NOX4: variants seen among roughly 807,000 people sequenced by gnomAD.
The protein encoded by NOX4 is kidney oxidase-1.
In NOX4, 69 loss-of-function variants were observed where a neutral mutation model predicts 87.6. That is an observed-to-expected ratio of 0.79 (90% CI 0.65 to 0.96). The LOEUF (loss-of-function observed/expected upper bound fraction) is 0.96. Ranked by LOEUF, NOX4 falls within the 40% of genes least tolerant of loss-of-function variation. NOX4 has a pLI of 0.00. For synonymous variants in NOX4, 275 were observed against 238.2 expected (o/e 1.15, Z -1.42); for missense variants, 680 against 681.5 (o/e 1.00, Z 0.02).
Position 89,451,767 on chromosome 11 carries a change from A to G in NOX4, c.264+18T>C. 1.3e-6 allele frequency: 2 copies of G among 1,504,068 alleles called. No individual in the cohort carries two copies. Among genetic ancestry groups the G allele is most frequent in the Non-Finnish European group, 1.9e-6 (2 of 1,080,150 alleles). The allele number at this position is 1,504,068 out of a possible 1,614,324, so 93.2% of individuals were successfully genotyped here. On this transcript the variant is annotated intron_variant, in intron 3 of 17. Coordinates refer to ENST00000263317, the MANE Select transcript of NOX4 (RefSeq NM_016931.5). ...GATTTTTATGCTGGAATTTGAAAGTAGGACTGTTTTTTCTTACCTTCTGTG... is the reference window on the plus strand; with the variant it reads ...GATTTTTATGCTGGAATTTGAAAGTGGGACTGTTTTTTCTTACCTTCTGTG...
chr11:89,407,664 G>A (rs1467696239), intron 8 of NOX4, among the ~76,000 whole-genome samples: 1 of 151,530 alleles, frequency 6.6e-6, no homozygotes, highest in Non-Finnish European at 1.5e-5. Flanking sequence ...CTTTCTGTTT[G>A]TTTCTTTCTT....
At chr11:89,416,097 T>A (rs1314773610) in intron 8 of NOX4, among the ~76,000 whole-genome samples, 2 of 152,150 alleles carry the variant, frequency 1.3e-5, no homozygotes, top group Non-Finnish European at 2.9e-5. Context: ...TAGGAGTAGG[T>A]AGAATACCTG....
Position 89,440,725 on chromosome 11 carries a change from A to G in NOX4, c.448-10T>C. 2.0e-6 allele frequency: 3 copies of G among 1,486,480 alleles called. No individual in the cohort carries two copies. The highest frequency in any genetic ancestry group is 2.8e-6 in the Non-Finnish European group (3 of 1,079,876). The allele number at this position is 1,486,480 out of a possible 1,614,324, so 92.1% of individuals were successfully genotyped here. On this transcript the variant is annotated splice_polypyrimidine_tract_variant and intron_variant, in intron 5 of 17. Transcript: ENST00000263317. ...GAAGTTTTCTAGGATCCTGAGAAAA[A>G]GAAAAAAAAATAAATGATTAAAAAC... is the stretch of plus-strand genomic sequence containing the variant.
At chr11:89,354,412 G>A (rs1937831927) in intron 13 of NOX4, among the ~76,000 whole-genome samples, 2 of 152,048 alleles carry the variant, frequency 1.3e-5, no homozygotes, top group Non-Finnish European at 1.5e-5. Flanking sequence ...CATACGCTTG[G>A]GGCATCTATG....
At chr11:89,577,357 G>A in the NOX4 span, 3 of 152,078 alleles carry the variant, frequency 2.0e-5, no homozygotes, top group African/African-American at 7.2e-5. Context: ...AATATCTAAT[G>A]TATGAGCCAA....
At position 89,429,369 on chromosome 11, in the gene NOX4, C is replaced by T. The variant is rs368338854; in HGVS notation, c.548+3415G>A. ...AGAAATAACTAAGATCAGAGAAGAA[C>T]TGAAGGAGACAGAGACACAAAAAAC... On this transcript the variant is annotated intron_variant, in intron 7 of 17. Coordinates refer to ENST00000263317, the MANE Select transcript of NOX4 (RefSeq NM_016931.5). 2.6e-5 allele frequency among the ~76,000 whole-genome samples: 4 copies of T among 152,084 alleles called. No homozygotes were observed. The South Asian group carries it at 8.3e-4, about 32-fold the overall frequency.
intron 16 of NOX4, among the ~76,000 whole-genome samples, chr11:89,336,878 T>C (rs1232424911): frequency 6.6e-6 from 1 of 151,974 alleles, no homozygotes; most frequent in Non-Finnish European, 1.5e-5. Flanking sequence ...TAAAATAAAA[T>C]TTGTGAATGC....
intron 2 of NOX4, among the ~76,000 whole-genome samples, chr11:89,459,174 G>C (rs1591308876): frequency 6.6e-6 from 1 of 152,076 alleles, no homozygotes; most frequent in South Asian, 2.1e-4. Context: ...GAATGGCCTG[G>C]AGATGATTAT....
At chr11:89,545,830 A>G in the NOX4 span, 44 of 152,218 alleles carry the variant, frequency 2.9e-4, no homozygotes, top group African/African-American at 9.9e-4. Flanking sequence ...ACTACTGAAA[A>G]AGAGACTTGA....
chr11:89,408,623 C>G (rs1188866358), intron 8 of NOX4, among the ~76,000 whole-genome samples: 2 of 152,172 alleles, frequency 1.3e-5, no homozygotes, highest in East Asian at 3.9e-4. Flanking sequence ...GCATTCTTTC[C>G]TGGCTCTTGC....
chr11:89,482,970 C>T (rs766781300), intron 2 of NOX4, among the ~76,000 whole-genome samples: 2 of 151,972 alleles, frequency 1.3e-5, no homozygotes, highest in Non-Finnish European at 2.9e-5. Context: ...GTGGGCTCAA[C>T]CTGGGCTTCT....
chr11:89,490,455 TA>T lies in NOX4; in HGVS notation c.153+2del, dbSNP rs770578633. Reference sequence around the variant, plus strand: ...CCAGATTATCCAAGTTCACCTTACTTACCCCCAACATCTGGTGGAGGTAGTG... The same window carrying T: ...CCAGATTATCCAAGTTCACCTTACTTCCCCCAACATCTGGTGGAGGTAGTG... On this transcript the variant is annotated splice_donor_variant, in intron 2 of 17. Transcript: ENST00000263317. LOFTEE classifies it high-confidence loss of function. 1 of 1,602,206 alleles carries T rather than the reference TA, an allele frequency of 6.2e-7. No homozygotes were observed. The highest frequency in any genetic ancestry group is 1.1e-5 in the South Asian group (1 of 90,834).
intron 11 of NOX4, among the ~76,000 whole-genome samples, chr11:89,396,370 G>A (rs539696923): frequency 3.3e-5 from 5 of 152,224 alleles, no homozygotes; most frequent in South Asian, 2.1e-4. Context: ...CTGAGACTTC[G>A]CTGAAGTTGC....
chr11:89,566,464 A>G, the NOX4 span, among the ~76,000 whole-genome samples: 2 of 152,192 alleles, frequency 1.3e-5, no homozygotes, highest in African/African-American at 4.8e-5. Context: ...TTTATATAAT[A>G]GTTCTCTTGA....
intron 12 of NOX4, among the ~76,000 whole-genome samples, chr11:89,360,500 G>T (rs765398735): frequency 2.0e-5 from 3 of 151,978 alleles, no homozygotes; most frequent in Non-Finnish European, 4.4e-5. Flanking sequence ...AAGCAGAAAA[G>T]AAATTCTCTT....
At chr11:89,390,261 C>T (rs1285574283) in intron 11 of NOX4, among the ~76,000 whole-genome samples, 1 of 152,080 alleles carries the variant, frequency 6.6e-6, no homozygotes, top group Admixed American at 6.6e-5. Context: ...TAGGTAGCAG[C>T]AAGTTTGCCT....
rs551721562 is a variant in NOX4 at position 89,388,272 on chromosome 11, A to G, written c.1074+11745T>C. ...CCTCTGCCCAACTTCCAGGATCAAC[A>G]CACTCATTCACCATTCTTCCAGCTT... On this transcript the variant is annotated intron_variant, in intron 11 of 17. Transcript: ENST00000263317. Among the ~76,000 whole-genome samples, 10 of 152,212 alleles carry G rather than the reference A, an allele frequency of 6.6e-5. No homozygotes were observed. The South Asian group carries it at 2.1e-3, about 32-fold the overall frequency.
At chr11:89,332,608 A>G (rs927166538) in intron 17 of NOX4, among the ~76,000 whole-genome samples, 1 of 151,944 alleles carries the variant, frequency 6.6e-6, no homozygotes, top group Non-Finnish European at 1.5e-5. Flanking sequence ...CAGCATTCAT[A>G]GTAAACATGG....
At chr11:89,383,087 G>A (rs1266177804) in intron 11 of NOX4, among the ~76,000 whole-genome samples, 1 of 151,922 alleles carries the variant, frequency 6.6e-6, no homozygotes, top group Admixed American at 6.6e-5. Flanking sequence ...CCCCACAACA[G>A]GAATTAATCA....
Sources: gnomAD v4.1 joint callset for allele counts (sites outside exome capture counted in the v4.1 genomes callset) on GRCh38, gnomAD v4.1.1 for gene constraint, MANE v1.5 for transcripts, NCBI Gene and HGNC (gene_info 2026-07-23, HGNC 2026-07-21) for gene names.